Variants in CAMK4 observed in about 807,000 individuals in gnomAD.
CAMK4 encodes calcium/calmodulin-dependent protein kinase type IV.
CAMK4 carries 22 observed loss-of-function variants against 44.9 expected under a neutral mutation model. That is an observed-to-expected ratio of 0.49 (90% CI 0.35 to 0.70). The LOEUF (loss-of-function observed/expected upper bound fraction) is 0.70, where lower values mean the gene tolerates loss of function less well. Among genes scored for constraint, CAMK4 ranks in the 30% least tolerant of loss-of-function variants. The probability of loss-of-function intolerance (pLI) is 0.01; values close to 1 mark genes in which losing one functional copy is unlikely to be tolerated. For synonymous variants in CAMK4, 218 were observed against 215.4 expected, an observed-to-expected ratio of 1.01 and a Z score of -0.11; for missense variants, 498 against 586.8, an observed-to-expected ratio of 0.85 and a Z score of 1.56.
At chr5:111,456,937 G>C (rs776026559) in intron 7 of CAMK4, among the ~76,000 whole-genome samples, 2 of 152,216 alleles carry the variant, frequency 1.3e-5, no homozygotes, top group Admixed American at 6.5e-5. Flanking sequence ...TCAGTGATCA[G>C]ACACTGAATG....
At chr5:111,279,770 G>C (rs984681702) in intron 1 of CAMK4, among the ~76,000 whole-genome samples, 1 of 152,112 alleles carries the variant, frequency 6.6e-6, no homozygotes, top group Non-Finnish European at 1.5e-5. Context: ...TTTACCCATA[G>C]TTTTTGAGTG....
At chr5:111,261,132 G>A (rs1490135368) in intron 1 of CAMK4, among the ~76,000 whole-genome samples, 2 of 152,114 alleles carry the variant, frequency 1.3e-5, no homozygotes, top group Non-Finnish European at 2.9e-5. Context: ...ACACAATTTG[G>A]ATGTCATACA....
chr5:111,308,306 TTATTAAC>T (rs1748027067), intron 1 of CAMK4, among the ~76,000 whole-genome samples: 1 of 152,118 alleles, frequency 6.6e-6, no homozygotes, highest in African/African-American at 2.4e-5. Flanking sequence ...AAAATGCACT[TTATTAAC>T]TAATAAAATA....
At chr5:111,356,334 A>G (rs1396838719) in intron 2 of CAMK4, among the ~76,000 whole-genome samples, 2 of 151,688 alleles carry the variant, frequency 1.3e-5, no homozygotes, top group African/African-American at 2.4e-5. Context: ...TCCTTCGCCC[A>G]CTTTTTGATG....
At chr5:111,266,388 T>C (rs1243969377) in intron 1 of CAMK4, among the ~76,000 whole-genome samples, 1 of 152,184 alleles carries the variant, frequency 6.6e-6, no homozygotes, top group Admixed American at 6.6e-5. Flanking sequence ...CTTTGGGGAA[T>C]AGATTTTTTG....
chr5:111,448,189 G>C (rs207466325), intron 6 of CAMK4, among the ~76,000 whole-genome samples: 1 of 152,124 alleles, frequency 6.6e-6, no homozygotes, highest in Non-Finnish European at 1.5e-5. Flanking sequence ...AGCAACTTTC[G>C]ATAATCTTTT....
chr5:111,354,084 A>G (rs1750224404), intron 2 of CAMK4, among the ~76,000 whole-genome samples: 1 of 152,138 alleles, frequency 6.6e-6, no homozygotes, highest in Non-Finnish European at 1.5e-5. Context: ...GAATGAGAAA[A>G]TGTGGTATGG....
chr5:111,294,215 A>T (rs899653136), intron 1 of CAMK4, among the ~76,000 whole-genome samples: 3 of 152,194 alleles, frequency 2.0e-5, no homozygotes, highest in African/African-American at 7.2e-5. Context: ...TAATAGCCCC[A>T]TACATTAATA....
chr5:111,406,194 T>TTCCCTCTC, intron 5 of CAMK4, among the ~76,000 whole-genome samples: 1 of 136,852 alleles, frequency 7.3e-6, no homozygotes, highest in East Asian at 2.2e-4. Context: ...CTAATTTATT[T>TTCCCTCTC]TCTCTCTCTC....
chr5:111,258,222 CT>C (rs200863856), intron 1 of CAMK4, among the ~76,000 whole-genome samples: 35 of 152,128 alleles, frequency 2.3e-4, no homozygotes, highest in Non-Finnish European at 3.7e-4. Flanking sequence ...GTCTGAATGT[CT>C]TTTTTTAACA....
At chr5:111,333,013 G>A (rs1469430249) in intron 1 of CAMK4, among the ~76,000 whole-genome samples, 2 of 151,592 alleles carry the variant, frequency 1.3e-5, no homozygotes, top group East Asian at 3.9e-4. Flanking sequence ...TCAACATCAT[G>A]TTCAGTGAAA....
intron 5 of CAMK4, among the ~76,000 whole-genome samples, chr5:111,430,582 C>T (rs1001174621): frequency 2.0e-5 from 3 of 152,094 alleles, no homozygotes; most frequent in Admixed American, 6.6e-5. Flanking sequence ...GAAAACCATT[C>T]GAACTGATAA....
chr5:111,382,685 G>A (rs1751462297), intron 4 of CAMK4, among the ~76,000 whole-genome samples: 1 of 152,156 alleles, frequency 6.6e-6, no homozygotes, highest in East Asian at 1.9e-4. Flanking sequence ...CTGAGGATCA[G>A]AGAGGTCTGT....
chr5:111,426,629 T>C (rs949943122), intron 5 of CAMK4, among the ~76,000 whole-genome samples: 1 of 152,106 alleles, frequency 6.6e-6, no homozygotes, highest in Admixed American at 6.5e-5. Flanking sequence ...CCTGAATCAC[T>C]AACGCCACCC....
At chr5:111,263,602 T>A (rs1486053381) in intron 1 of CAMK4, among the ~76,000 whole-genome samples, 1 of 152,190 alleles carries the variant, frequency 6.6e-6, no homozygotes. Context: ...TGAAATAATC[T>A]CTTTATTGGA....
chr5:111,391,528 A>G (rs1007667913), intron 4 of CAMK4, among the ~76,000 whole-genome samples: 1 of 152,234 alleles, frequency 6.6e-6, no homozygotes, highest in African/African-American at 2.4e-5. Context: ...ACCCATAAAA[A>G]AAAAACATGA....
At chr5:111,318,448 A>G (rs1006750764) in intron 1 of CAMK4, among the ~76,000 whole-genome samples, 2 of 152,214 alleles carry the variant, frequency 1.3e-5, no homozygotes, top group African/African-American at 4.8e-5. Flanking sequence ...TAGCATAGCC[A>G]TGTGGAACAG....
chr5:111,341,796 A>T (rs1245111086), intron 1 of CAMK4, among the ~76,000 whole-genome samples: 1 of 151,322 alleles, frequency 6.6e-6, no homozygotes, highest in African/African-American at 2.4e-5. Context: ...CTGAGGGCAC[A>T]AAGAGGTCAT....
At chr5:111,238,375 C>A (rs1223111147) in intron 1 of CAMK4, among the ~76,000 whole-genome samples, 2 of 152,092 alleles carry the variant, frequency 1.3e-5, no homozygotes, top group Non-Finnish European at 2.9e-5. Context: ...GGTGATGAGG[C>A]ATTAGTGCTC....
Sources: allele counts gnomAD v4.1 joint callset (sites outside exome capture counted in the v4.1 genomes callset), GRCh38; gene constraint gnomAD v4.1.1; transcripts MANE v1.5; gene names NCBI Gene and HGNC (gene_info 2026-07-23, HGNC 2026-07-21).